AGBL4: variants seen among roughly 807,000 people sequenced by gnomAD.
AGBL4 encodes AGBL carboxypeptidase 4, also known as cytosolic carboxypeptidase 6.
AGBL4 carries 58 observed loss-of-function variants against 66.4 expected under a neutral mutation model. The ratio of observed to expected loss-of-function variants is 0.87; its 90% CI spans 0.71 to 1.09. The LOEUF (loss-of-function observed/expected upper bound fraction) is 1.09, where lower values mean the gene tolerates loss of function less well. Ranked by LOEUF, AGBL4 falls within the 50% of genes least tolerant of loss-of-function variation. The pLI is 0.00. For synonymous variants in AGBL4, 234 were observed against 222.9 expected (o/e 1.05, Z -0.44); for missense variants, 579 against 631.0 (o/e 0.92, Z 0.88).
downstream of AGBL4, among the ~76,000 whole-genome samples, chr1:48,528,201 C>T (rs1159750887): frequency 2.6e-5 from 4 of 152,214 alleles, no homozygotes; most frequent in East Asian, 7.7e-4. Flanking sequence ...CAGAGTCACT[C>T]CATAATACTA....
Position 49,399,324 on chromosome 1 carries a change from C to T in AGBL4, c.283-153460G>A, listed in dbSNP as rs564283958. The stretch of plus-strand genomic sequence containing the variant: ...TAAACATGGGAGGCAGATACCTCTT[C>T]GATATACTGATTTCCTTTCTTTTGG... On this transcript the variant is annotated intron_variant, in intron 3 of 13. Coordinates refer to ENST00000371839, the MANE Select transcript of AGBL4 (RefSeq NM_032785.4). 8.5e-5 allele frequency among the ~76,000 whole-genome samples: 13 copies of T among 152,148 alleles called. 1 individual carries two copies. The South Asian group carries it at 1.2e-3, about 15-fold the overall frequency.
chr1:49,285,302 A>C (rs1278767232), intron 3 of AGBL4, among the ~76,000 whole-genome samples: 1 of 152,182 alleles, frequency 6.6e-6, no homozygotes. Flanking sequence ...GGCAGAAATA[A>C]AGATGTTCTT....
At chr1:49,265,832 T>C (rs998096713) in intron 3 of AGBL4, among the ~76,000 whole-genome samples, 1 of 152,174 alleles carries the variant, frequency 6.6e-6, no homozygotes, top group Non-Finnish European at 1.5e-5. Context: ...AATATGTACG[T>C]GTGTATAGAC....
chr1:49,980,621 A>C (rs1341592404), intron 1 of AGBL4, among the ~76,000 whole-genome samples: 1 of 152,114 alleles, frequency 6.6e-6, no homozygotes, highest in African/African-American at 2.4e-5. Flanking sequence ...AAGACTGAGT[A>C]ATATTCTATT....
Position 48,641,955 on chromosome 1 carries a change from A to T in AGBL4, c.840-7351T>A, listed in dbSNP as rs145168004. 2.3e-3 allele frequency among the ~76,000 whole-genome samples: 352 copies of T among 152,178 alleles called. 2 individuals are homozygous for T. Among genetic ancestry groups the T allele is most frequent in the Middle Eastern group, 6.8e-3 (2 of 294 alleles). ...AGTTTCAAATGAGGGACTAACATGA[A>T]AGGTTCCTTTACGCAAACTGACGAA... On this transcript the variant is annotated intron_variant, in intron 8 of 13. Coordinates refer to ENST00000371839, the MANE Select transcript of AGBL4 (RefSeq NM_032785.4).
At chr1:49,772,743 T>C (rs1244281203) in intron 2 of AGBL4, among the ~76,000 whole-genome samples, 2 of 152,224 alleles carry the variant, frequency 1.3e-5, no homozygotes, top group East Asian at 1.9e-4. Context: ...TTCTCTTATA[T>C]GTGACTTCAC....
chr1:49,887,152 T>C (rs867258718), intron 1 of AGBL4, among the ~76,000 whole-genome samples: 80 of 145,984 alleles, frequency 5.5e-4, no homozygotes, highest in East Asian at 2.6e-3. Context: ...TATATATATA[T>C]ACATTGTGTG....
chr1:49,789,126 T>C (rs1644530212), intron 2 of AGBL4, among the ~76,000 whole-genome samples: 1 of 152,212 alleles, frequency 6.6e-6, no homozygotes, highest in East Asian at 1.9e-4. Context: ...TGGTTCTGTT[T>C]ATGTGATGGA....
intron 2 of AGBL4, among the ~76,000 whole-genome samples, chr1:49,710,158 C>T (rs1368434650): frequency 6.6e-6 from 1 of 152,148 alleles, no homozygotes. Flanking sequence ...TATTGAGGCA[C>T]TGTTCACAAT....
intron 6 of AGBL4, among the ~76,000 whole-genome samples, chr1:48,820,799 C>T (rs1234516082): frequency 2.0e-5 from 3 of 152,078 alleles, no homozygotes; most frequent in African/African-American, 7.2e-5. Context: ...AAAGAAATAA[C>T]AGGGTAAACG....
At chr1:50,009,504 G>C (rs1424876076) in intron 1 of AGBL4, among the ~76,000 whole-genome samples, 1 of 151,212 alleles carries the variant, frequency 6.6e-6, no homozygotes, top group African/African-American at 2.4e-5. Flanking sequence ...ACTGGATATA[G>C]AGGGAATATA....
At chr1:49,774,983 G>A (rs1224191770) in intron 2 of AGBL4, among the ~76,000 whole-genome samples, 3 of 152,060 alleles carry the variant, frequency 2.0e-5, no homozygotes, top group African/African-American at 7.2e-5. Context: ...AAATGTCCTT[G>A]ATTAGGAAAC....
intron 1 of AGBL4, among the ~76,000 whole-genome samples, chr1:49,935,999 T>C (rs189642472): frequency 2.6e-5 from 4 of 152,258 alleles, no homozygotes; most frequent in African/African-American, 7.2e-5. Context: ...ATGACTTTGA[T>C]GAGTTGAGAG....
intron 2 of AGBL4, chr1:49,845,880 T>A (rs1646129052): frequency 5.0e-6 from 7 of 1,389,284 alleles, no homozygotes; most frequent in Admixed American, 1.7e-5. Context: ...AGCACAAACC[T>A]CACACACCAG....
At position 49,104,832 on chromosome 1, in the gene AGBL4, A is replaced by G. The variant is rs1645264403; in HGVS notation, c.378-59032T>C. 2.6e-5 allele frequency among the ~76,000 whole-genome samples: 4 copies of G among 152,178 alleles called. No individual in the cohort carries two copies. In the South Asian group the frequency reaches 8.3e-4, roughly 31 times the overall value. On this transcript the variant is annotated intron_variant, in intron 4 of 13. Transcript: ENST00000371839. ...AGTGACCAAATATTCACCTCTAAAT[A>G]TGGCTGAGATTATTTTATTATTTGC...
chr1:49,147,488 C>T (rs758213303), intron 4 of AGBL4, among the ~76,000 whole-genome samples: 7 of 152,060 alleles, frequency 4.6e-5, no homozygotes, highest in African/African-American at 9.7e-5. Context: ...TTCTCATCCC[C>T]GTTTTATACT....
At chr1:49,932,069 A>G (rs1184611434) in intron 1 of AGBL4, among the ~76,000 whole-genome samples, 1 of 152,224 alleles carries the variant, frequency 6.6e-6, no homozygotes, top group Non-Finnish European at 1.5e-5. Context: ...ATATTCCAAA[A>G]TAAAAAAAAT....
At chr1:49,302,945 G>A (rs184186935) in intron 3 of AGBL4, among the ~76,000 whole-genome samples, 11 of 152,094 alleles carry the variant, frequency 7.2e-5, no homozygotes, top group Admixed American at 3.9e-4. Context: ...TTAGTTTGCT[G>A]AGGATAATGG....
At chr1:48,607,885 T>C (rs1040207688) in intron 9 of AGBL4, among the ~76,000 whole-genome samples, 1 of 152,186 alleles carries the variant, frequency 6.6e-6, no homozygotes, top group African/African-American at 2.4e-5. Flanking sequence ...ACATTGGACA[T>C]CATTTAATCC....
Sources: gnomAD v4.1 joint callset for allele counts (sites outside exome capture counted in the v4.1 genomes callset) on GRCh38, gnomAD v4.1.1 for gene constraint, MANE v1.5 for transcripts, NCBI Gene and HGNC (gene_info 2026-07-23, HGNC 2026-07-21) for gene names.